Variants in WWC1 observed in about 807,000 individuals in gnomAD.
WWC1 encodes WW and C2 domain containing 1, also known as protein KIBRA.
A neutral mutation model predicts 138.4 loss-of-function variants in WWC1; 55 were observed. The ratio of observed to expected loss-of-function variants is 0.40; its 90% confidence interval spans 0.32 to 0.50. WWC1 has a LOEUF of 0.50. Among genes scored for constraint, WWC1 ranks in the 20% least tolerant of loss-of-function variants. The probability of loss-of-function intolerance (pLI) is 0.72; values close to 1 mark genes in which losing one functional copy is unlikely to be tolerated. For missense variants in WWC1, 1,226 were observed against 1,420.4 expected (o/e 0.86, Z 2.20); for synonymous variants, 524 against 564.9 (o/e 0.93, Z 1.03).
chr5:168,384,741 A>T (rs1291724293), intron 2 of WWC1, among the ~76,000 whole-genome samples: 3 of 124,586 alleles, frequency 2.4e-5, no homozygotes, highest in Admixed American at 8.8e-5. Context: ...TTTTTCAGAC[A>T]GAGTCTCATT....
At position 168,338,327 on chromosome 5, in the gene WWC1, ATAAAT is replaced by A. The variant is rs749027794; in HGVS notation, c.120-33096_120-33092del. ...CTTTGCCTCAAAAAAAAAAAACTAA[ATAAAT>A]AAATAAGTAAATATAAATGCAATGG... is the stretch of plus-strand genomic sequence containing the variant. On this transcript the variant is annotated intron_variant, in intron 1 of 22. Coordinates refer to ENST00000265293, the MANE Select transcript of WWC1 (RefSeq NM_015238.3). Among the ~76,000 whole-genome samples the A allele has an allele frequency of 3.4e-3, 514 of 151,512 alleles. 1 individual carries two copies. Among genetic ancestry groups the A allele is most frequent in the Middle Eastern group, 0.014 (4 of 292 alleles).
intron 1 of WWC1, among the ~76,000 whole-genome samples, chr5:168,332,160 GAT>G (rs1773085566): frequency 6.7e-6 from 1 of 149,428 alleles, no homozygotes; most frequent in Non-Finnish European, 1.5e-5. Flanking sequence ...AAAAAAAAAA[GAT>G]AAAAAATAAA....
At chr5:168,428,823 T>C (rs1256883019) in intron 13 of WWC1, 36 bp downstream of exon 13, 1 of 1,609,216 alleles carries the variant, frequency 6.2e-7, no homozygotes, top group South Asian at 1.1e-5. Flanking sequence ...GAAGGAACGG[T>C]CTGTGTGGGG....
chr5:168,330,523 T>C (rs1772939371), intron 1 of WWC1, among the ~76,000 whole-genome samples: 1 of 152,184 alleles, frequency 6.6e-6, no homozygotes, highest in Admixed American at 6.5e-5. Flanking sequence ...TTGAGGTCAC[T>C]ATTGTTACCC....
At chr5:168,295,591 A>C (rs886131142) in intron 1 of WWC1, among the ~76,000 whole-genome samples, 1 of 151,756 alleles carries the variant, frequency 6.6e-6, no homozygotes, top group African/African-American at 2.4e-5. Flanking sequence ...TAAAAGAAGT[A>C]AGTCAAATGG....
intron 6 of WWC1, among the ~76,000 whole-genome samples, chr5:168,406,807 T>G (rs1398704355): frequency 6.6e-6 from 1 of 151,738 alleles, no homozygotes; most frequent in Admixed American, 6.6e-5. Context: ...CCAGTTGCAG[T>G]GGCGGGCGCC....
In WWC1 at chr5:168,428,755, A is replaced by G. The variant is rs755394972; in HGVS notation, c.1968A>G (p.Ala656=). ...AAAFDSDESE[A]VGATRIQIAL... The stretch of plus-strand genomic sequence containing the variant: ...CATTTGACAGTGACGAATCGGAAGC[A>G]GTGGGTGCGACCCGAATTCAGATTG... Residue 656 remains alanine, a synonymous_variant, in exon 13 of 23, where the codon GCA becomes GCG. Transcript: ENST00000265293. The G allele has an allele frequency of 3.1e-6, 5 of 1,613,870 alleles. No homozygotes were observed. The African/African-American group carries it at 5.3e-5, about 17-fold the overall frequency.
At chr5:168,418,514 G>A (rs6893421) in intron 9 of WWC1, among the ~76,000 whole-genome samples, 16,770 of 152,158 alleles carry the variant, frequency 0.11, 1,038 homozygotes, top group African/African-American at 0.15. Flanking sequence ...GCCTCCCAGC[G>A]TGTGCCAGGC....
intron 1 of WWC1, among the ~76,000 whole-genome samples, chr5:168,341,031 T>C (rs1001501448): frequency 6.6e-6 from 1 of 152,218 alleles, no homozygotes; most frequent in African/African-American, 2.4e-5. Flanking sequence ...TAGCAGCTAC[T>C]GTGCCAGGAG....
At chr5:168,426,168 G>A (rs1206411792) in intron 11 of WWC1, among the ~76,000 whole-genome samples, 2 of 152,154 alleles carry the variant, frequency 1.3e-5, no homozygotes, top group African/African-American at 2.4e-5. Context: ...AAGAGGAGCC[G>A]AGAGATCCCT....
intron 1 of WWC1, among the ~76,000 whole-genome samples, chr5:168,354,586 G>A (rs1775250243): frequency 6.6e-6 from 1 of 152,198 alleles, no homozygotes; most frequent in Non-Finnish European, 1.5e-5. Flanking sequence ...AAGTCATGAT[G>A]CCTGCAGTTT....
At chr5:168,368,712 GT>G (rs1237706794) in intron 1 of WWC1, among the ~76,000 whole-genome samples, 1 of 152,232 alleles carries the variant, frequency 6.6e-6, no homozygotes, top group Non-Finnish European at 1.5e-5. Context: ...ATGAGGTGAT[GT>G]TAGATGAGGC....
At chr5:168,410,697 C>T (rs1269884979) in intron 8 of WWC1, among the ~76,000 whole-genome samples, 1 of 152,176 alleles carries the variant, frequency 6.6e-6, no homozygotes, top group Non-Finnish European at 1.5e-5. Flanking sequence ...CACCACTACC[C>T]TTGGCTGAGA....
chr5:168,445,111 C>T (rs1368607802), intron 17 of WWC1, among the ~76,000 whole-genome samples: 2 of 151,194 alleles, frequency 1.3e-5, no homozygotes, highest in East Asian at 2.0e-4. Flanking sequence ...GTCAGGAGCT[C>T]GAGACCAGCC....
chr5:168,453,309 CAG>C (rs1755998099), intron 17 of WWC1, among the ~76,000 whole-genome samples: 1 of 152,052 alleles, frequency 6.6e-6, no homozygotes. Context: ...ACAGAGAAGT[CAG>C]AGACAAAACA....
chr5:168,399,644 T>G, intron 5 of WWC1, 77 bp downstream of exon 5: 6 of 1,371,638 alleles, frequency 4.4e-6, no homozygotes, highest in Non-Finnish European at 6.2e-6. Context: ...TGTCTCTCTC[T>G]CCTTCAGTCC....
intron 1 of WWC1, among the ~76,000 whole-genome samples, chr5:168,305,708 G>A (rs1770497010): frequency 1.3e-5 from 2 of 152,068 alleles, no homozygotes; most frequent in African/African-American, 4.8e-5. Flanking sequence ...TTGGAGCTGG[G>A]GGAACAAAAG....
chr5:168,402,234 G>A (rs1393807894), intron 5 of WWC1, among the ~76,000 whole-genome samples: 3 of 152,180 alleles, frequency 2.0e-5, no homozygotes, highest in African/African-American at 7.2e-5. Context: ...CTCCTTAGCC[G>A]GAAGCTGGGC....
chr5:168,317,848 G>A (rs779212485), intron 1 of WWC1, among the ~76,000 whole-genome samples: 1 of 152,154 alleles, frequency 6.6e-6, no homozygotes, highest in African/African-American at 2.4e-5. Context: ...CTGCCTTTGT[G>A]AGAGGTCATA....
Sources: allele counts gnomAD v4.1 joint callset (sites outside exome capture counted in the v4.1 genomes callset), GRCh38; gene constraint gnomAD v4.1.1; transcripts MANE v1.5; gene names NCBI Gene and HGNC (gene_info 2026-07-23, HGNC 2026-07-21).